The following PIK3AP1 variants were observed in gnomAD, a reference collection of about 807,000 sequenced individuals.
PIK3AP1 encodes the protein phosphoinositide-3-kinase adaptor protein 1, also known as phosphoinositide 3-kinase adapter protein 1.
In PIK3AP1, 21 loss-of-function variants were observed where a neutral mutation model predicts 88.1. That is an observed-to-expected ratio of 0.24 (90% CI 0.17 to 0.34). The LOEUF is 0.34. Among genes scored for constraint, PIK3AP1 ranks in the 10% least tolerant of loss-of-function variants. The pLI, the probability that PIK3AP1 is intolerant of heterozygous loss-of-function variation, is 1.00. For synonymous variants in PIK3AP1, 398 were observed against 400.0 expected (o/e 1.00, Z 0.06); for missense variants, 828 against 1,035.7 (o/e 0.80, Z 2.75).
intron 2 of PIK3AP1, among the ~76,000 whole-genome samples, chr10:96,687,271 A>G (rs949416565): frequency 2.7e-5 from 4 of 149,448 alleles, no homozygotes; most frequent in African/African-American, 1.0e-4. Context: ...AAAAAAAAAA[A>G]AAAAAAAAAA....
intron 3 of PIK3AP1, among the ~76,000 whole-genome samples, chr10:96,656,547 G>A (rs1247141017): frequency 4.6e-5 from 7 of 152,106 alleles, no homozygotes; most frequent in Non-Finnish European, 7.4e-5. Flanking sequence ...GGTGCTCTAC[G>A]TTATTACTGA....
Position 96,699,148 on chromosome 10 carries a change from C to T in PIK3AP1, c.430+10419G>A, listed in dbSNP as rs183708026. ...GCAGTCAGCCGAGATGGTGCCACTG[C>T]ACTCCAGCCTGGGAAACAAGGGCAA... On this transcript the variant is annotated intron_variant, in intron 2 of 16. Coordinates refer to ENST00000339364, the MANE Select transcript of PIK3AP1 (RefSeq NM_152309.3). Among the ~76,000 whole-genome samples the T allele has an allele frequency of 3.6e-3, 543 of 152,236 alleles. 2 individuals are homozygous for T. The highest frequency in any genetic ancestry group is 0.01 in the Middle Eastern group (3 of 294).
chr10:96,603,967 C>T lies in PIK3AP1; in HGVS notation c.2241+12G>A. The T allele has an allele frequency of 6.3e-7, 1 of 1,591,442 alleles. No homozygotes were observed. Among genetic ancestry groups the T allele is most frequent in the South Asian group, 1.1e-5 (1 of 88,012 alleles). On this transcript the variant is annotated intron_variant, in intron 15 of 16. Transcript: ENST00000339364. ...TAGGACAGGATAGGTGGGGTGGAGT[C>T]CCAGCTCTCACCTCGTTGTCCCCTT...
At chr10:96,614,341 T>C (rs1449601669) in intron 13 of PIK3AP1, among the ~76,000 whole-genome samples, 2 of 152,066 alleles carry the variant, frequency 1.3e-5, no homozygotes, top group Non-Finnish European at 2.9e-5. Flanking sequence ...TCATCTCTTT[T>C]ATCACTGAGA....
chr10:96,626,511 C>G (rs890334137), intron 10 of PIK3AP1, among the ~76,000 whole-genome samples, 197 bp downstream of exon 10: 5 of 152,152 alleles, frequency 3.3e-5, no homozygotes, highest in Non-Finnish European at 5.9e-5. Flanking sequence ...CCAGGAAGGC[C>G]AGCACTGACT....
At chr10:96,665,019 C>T (rs968655601) in intron 2 of PIK3AP1, among the ~76,000 whole-genome samples, 3 of 144,302 alleles carry the variant, frequency 2.1e-5, no homozygotes, top group African/African-American at 7.4e-5. Flanking sequence ...CCACTTCCCG[C>T]TTTGAAGATA....
chr10:96,608,068 G>A (rs191446776), intron 14 of PIK3AP1, among the ~76,000 whole-genome samples: 12 of 152,214 alleles, frequency 7.9e-5, no homozygotes, highest in Non-Finnish European at 1.2e-4. Context: ...ACTGCACAAG[G>A]GGAAAAGCAC....
chr10:96,716,167 A>G (rs1844499639), intron 1 of PIK3AP1, among the ~76,000 whole-genome samples: 1 of 152,220 alleles, frequency 6.6e-6, no homozygotes, highest in South Asian at 2.1e-4. Flanking sequence ...CTGTAGTCCC[A>G]GCTACTCAGG....
intron 2 of PIK3AP1, among the ~76,000 whole-genome samples, chr10:96,693,824 A>G (rs886590121): frequency 6.6e-5 from 10 of 152,366 alleles, no homozygotes; most frequent in African/African-American, 2.4e-4. Context: ...TATGCACATC[A>G]GCATCACTGC....
At chr10:96,701,448 T>G (rs962490064) in intron 2 of PIK3AP1, among the ~76,000 whole-genome samples, 10 of 152,204 alleles carry the variant, frequency 6.6e-5, no homozygotes, top group African/African-American at 2.2e-4. Flanking sequence ...AAAATGGCGC[T>G]GAAACCATCT....
chr10:96,610,958 G>A (rs547199599), intron 13 of PIK3AP1, among the ~76,000 whole-genome samples: 33 of 152,264 alleles, frequency 2.2e-4, no homozygotes, highest in African/African-American at 7.9e-4. Flanking sequence ...GGGGACGAGT[G>A]CTTTTATCTT....
intron 2 of PIK3AP1, among the ~76,000 whole-genome samples, chr10:96,676,542 T>C (rs774047609): frequency 4.6e-5 from 7 of 151,794 alleles, no homozygotes; most frequent in Non-Finnish European, 8.8e-5. Context: ...CATAAGGAAC[T>C]CCAGACACAT....
At chr10:96,667,999 T>C (rs1180414051) in intron 2 of PIK3AP1, among the ~76,000 whole-genome samples, 2 of 152,234 alleles carry the variant, frequency 1.3e-5, no homozygotes, top group African/African-American at 4.8e-5. Flanking sequence ...ATACTGGTTT[T>C]TTCATGTAGA....
At chr10:96,697,633 A>G (rs970476405) in intron 2 of PIK3AP1, among the ~76,000 whole-genome samples, 12 of 152,054 alleles carry the variant, frequency 7.9e-5, no homozygotes, top group African/African-American at 2.9e-4. Context: ...AGAGGCTGAG[A>G]TGAGAGGATC....
chr10:96,617,725 G>C (rs1311001641), intron 12 of PIK3AP1, among the ~76,000 whole-genome samples: 1 of 152,188 alleles, frequency 6.6e-6, no homozygotes, highest in Non-Finnish European at 1.5e-5. Context: ...CGCTGACTGG[G>C]TGAGCGGAAG....
intron 11 of PIK3AP1, chr10:96,621,752 G>A (rs1843087019): frequency 6.6e-6 from 1 of 152,230 alleles, no homozygotes; most frequent in South Asian, 2.1e-4. Flanking sequence ...TTATTGAGAC[G>A]CCTTTAGACA....
Position 96,709,841 on chromosome 10 carries a change from G to T in PIK3AP1, c.156C>A (p.Ser52=). 6.2e-7 allele frequency: 1 copy of T among 1,613,982 alleles called. No individual in the cohort carries two copies. Among genetic ancestry groups the T allele is most frequent in the Non-Finnish European group, 8.5e-7 (1 of 1,179,980 alleles). The part of the protein sequence containing the change: ...ILTHRLGPEA[S]FSAEDLSLFL... ...AAAGGCTTAGGTCCTCTGCCGAGAA[G>T]GAGGCCTCGGGGCCCAGCCTGTGAG... The change falls in exon 2 of 17, where the codon TCC becomes TCA. Residue 52 remains serine, a synonymous_variant. Transcript: ENST00000339364.
chr10:96,605,807 C>T (rs918618486), intron 14 of PIK3AP1, among the ~76,000 whole-genome samples: 13 of 152,068 alleles, frequency 8.5e-5, no homozygotes, highest in African/African-American at 2.2e-4. Context: ...GAACATGAGC[C>T]GGGTGCGGTG....
chr10:96,706,145 G>T (rs976684682), intron 2 of PIK3AP1, among the ~76,000 whole-genome samples: 3 of 150,728 alleles, frequency 2.0e-5, no homozygotes, highest in Non-Finnish European at 3.0e-5. Context: ...CGCCCGCCTC[G>T]GCCTCCCAAA....
Sources: allele counts gnomAD v4.1 joint callset (sites outside exome capture counted in the v4.1 genomes callset), GRCh38; gene constraint gnomAD v4.1.1; transcripts MANE v1.5; gene names NCBI Gene and HGNC (gene_info 2026-07-23, HGNC 2026-07-21).